The following DCBLD1 variants were observed in gnomAD, a reference collection of about 807,000 sequenced individuals.
DCBLD1 encodes discoidin, CUB and LCCL domain-containing protein 1.
In DCBLD1, 57 loss-of-function variants were observed where a neutral mutation model predicts 71.5. The observed-to-expected ratio is 0.80, with a 90% confidence interval of 0.64 to 0.99. The LOEUF (loss-of-function observed/expected upper bound fraction) is 0.99, where lower values mean the gene tolerates loss of function less well. Among genes scored for constraint, DCBLD1 ranks in the 50% least tolerant of loss-of-function variants. DCBLD1 has a pLI of 0.00. For missense variants in DCBLD1, 891 were observed against 923.5 expected, an observed-to-expected ratio of 0.96 and a Z score of 0.46; for synonymous variants, 380 against 363.8, an observed-to-expected ratio of 1.04 and a Z score of -0.51.
downstream of DCBLD1, among the ~76,000 whole-genome samples, chr6:117,553,920 T>TA (rs1273195391): frequency 2.0e-5 from 3 of 152,202 alleles, no homozygotes; most frequent in African/African-American, 4.8e-5. Context: ...AAGAAGGACT[T>TA]ACTTTCTATG....
downstream of DCBLD1, among the ~76,000 whole-genome samples, chr6:117,554,782 A>T (rs549401916): frequency 9.9e-5 from 15 of 151,732 alleles, no homozygotes; most frequent in African/African-American, 3.4e-4. Context: ...AGTCCCAGCT[A>T]CTCGGCAGGC....
intron 5 of DCBLD1, among the ~76,000 whole-genome samples, chr6:117,530,855 A>G (rs945355222): frequency 6.6e-6 from 1 of 152,234 alleles, no homozygotes; most frequent in Non-Finnish European, 1.5e-5. Context: ...CTGCATTCTT[A>G]TTAAAGAGTA....
At chr6:117,535,680 A>G (rs1178416948) in intron 6 of DCBLD1, among the ~76,000 whole-genome samples, 4 of 152,144 alleles carry the variant, frequency 2.6e-5, no homozygotes, top group African/African-American at 9.7e-5. Flanking sequence ...TTAATGTTTC[A>G]TGGCAAGTGA....
intron 1 of DCBLD1, among the ~76,000 whole-genome samples, chr6:117,491,218 C>T (rs1777281435): frequency 6.6e-6 from 1 of 152,138 alleles, no homozygotes; most frequent in South Asian, 2.1e-4. Flanking sequence ...CTTAATGACC[C>T]ATGGGACCAC....
At position 117,525,432 on chromosome 6, in the gene DCBLD1, G is replaced by T; in HGVS notation, c.583G>T (p.Asp195Tyr). The change falls in exon 5 of 15, where the codon GAT becomes TAT. Residue 195 changes from aspartate to tyrosine, a missense_variant and splice_region_variant. Coordinates refer to ENST00000338728, the MANE Select transcript of DCBLD1 (RefSeq NM_001366458.2). ...ISGNMVDGYR[D>Y]TSLLCKAAIH... The stretch of plus-strand genomic sequence containing the variant: ...TGGGAATATGGTAGATGGATATAGA[G>T]ATGTAAGTAATTGAGGGTAATGGCA... 6.7e-7 allele frequency: 1 copy of T among 1,487,400 alleles called. No homozygotes were observed. Among genetic ancestry groups the T allele is most frequent in the Non-Finnish European group, 9.0e-7 (1 of 1,116,012 alleles). 92.1% of individuals were successfully genotyped at this position (1,487,400 alleles called of 1,614,324 possible). A position where few individuals can be genotyped will look rare whatever the true frequency, so the allele number is the denominator to read the frequency against.
At chr6:117,565,315 T>C (rs1779674188) in intron 14 of DCBLD1, among the ~76,000 whole-genome samples, 1 of 152,188 alleles carries the variant, frequency 6.6e-6, no homozygotes, top group Admixed American at 6.5e-5. Context: ...CTCACACAGA[T>C]ATGTAGTTGC....
Position 117,549,739 on chromosome 6 carries a change from T to C in DCBLD1, c.*1300T>C, listed in dbSNP as rs1779394129. 2.0e-6 allele frequency: 2 copies of C among 985,426 alleles called. No homozygotes were observed. The highest frequency in any genetic ancestry group is 3.5e-5 in the African/African-American group (2 of 57,354). 61.0% of individuals were successfully genotyped at this position (985,426 alleles called of 1,614,324 possible). On this transcript the variant is annotated 3_prime_UTR_variant, in exon 15 of 15. Transcript: ENST00000338728. ...TAGTGTGGAGGGGAAATGGTTTACT[T>C]TGTAGAGTTTACATGGTTTTATGCG...
At chr6:117,495,020 G>A (rs1433839448) in intron 1 of DCBLD1, among the ~76,000 whole-genome samples, 1 of 152,190 alleles carries the variant, frequency 6.6e-6, no homozygotes, top group Non-Finnish European at 1.5e-5. Context: ...AATTCTGCAA[G>A]CTTACTGACC....
chr6:117,535,247 G>T (rs914554168), intron 6 of DCBLD1, among the ~76,000 whole-genome samples: 1 of 152,196 alleles, frequency 6.6e-6, no homozygotes, highest in African/African-American at 2.4e-5. Context: ...TCCTTGATTT[G>T]AAGAGACCAG....
chr6:117,537,498 C>T lies in DCBLD1; in HGVS notation c.760+273C>T, dbSNP rs573892101. ...GCAGTGAGCTGAGATTGCGCCACTG[C>T]ACTCCAGCCTGGGTAACAGAGCGAG... is the stretch of plus-strand genomic sequence containing the variant. On this transcript the variant is annotated intron_variant, in intron 7 of 14. Transcript: ENST00000338728. Among the ~76,000 whole-genome samples the T allele has an allele frequency of 2.1e-3, 314 of 148,920 alleles. 1 individual carries two copies. The highest frequency in any genetic ancestry group is 7.6e-3 in the African/African-American group (305 of 40,344).
chr6:117,535,131 TG>T (rs1778843239), intron 6 of DCBLD1, among the ~76,000 whole-genome samples: 1 of 152,222 alleles, frequency 6.6e-6, no homozygotes, highest in South Asian at 2.1e-4. Context: ...CATGATTGTT[TG>T]GCATTCAGGA....
At chr6:117,500,780 T>C (rs543946297) in intron 1 of DCBLD1, among the ~76,000 whole-genome samples, 5 of 152,240 alleles carry the variant, frequency 3.3e-5, no homozygotes, top group African/African-American at 1.2e-4. Context: ...GGAGAATCGC[T>C]TGAACCCAGG....
Position 117,538,703 on chromosome 6 carries a change from C to G in DCBLD1, c.844C>G (p.Gln282Glu). ...SWQSVNESGD[Q>E]VHWSPGQARL... Reference sequence around the variant, plus strand: ...GCAGTCGGTCAATGAGAGTGGAGACCAAGTTCACTGGTCTCCTGGCCAAGC... The same window carrying G: ...GCAGTCGGTCAATGAGAGTGGAGACGAAGTTCACTGGTCTCCTGGCCAAGC... Residue 282 changes from glutamine (Q) to glutamate (E), a missense_variant, in exon 8 of 15, where the codon CAA becomes GAA. Transcript: ENST00000338728. 6.2e-7 allele frequency: 1 copy of G among 1,614,098 alleles called. No homozygotes were observed. The highest frequency in any genetic ancestry group is 8.5e-7 in the Non-Finnish European group (1 of 1,180,032).
chr6:117,556,942 G>T (rs770848915), intron 14 of DCBLD1, among the ~76,000 whole-genome samples: 18 of 151,586 alleles, frequency 1.2e-4, no homozygotes, highest in Non-Finnish European at 2.4e-4. Flanking sequence ...TCTCATTGTG[G>T]TTTTAATTTG....
intron 14 of DCBLD1, chr6:117,569,467 T>A: frequency 7.0e-7 from 1 of 1,425,386 alleles, no homozygotes. Flanking sequence ...AAGAACTATG[T>A]GTAAACACTT....
At chr6:117,529,711 G>T (rs1227766330) in intron 5 of DCBLD1, among the ~76,000 whole-genome samples, 2 of 152,090 alleles carry the variant, frequency 1.3e-5, no homozygotes, top group Admixed American at 1.3e-4. Context: ...GAAAATGCTG[G>T]TAATTTTATC....
downstream of DCBLD1, among the ~76,000 whole-genome samples, chr6:117,553,540 A>T (rs761347160): frequency 2.6e-5 from 4 of 152,174 alleles, no homozygotes; most frequent in East Asian, 1.9e-4. Context: ...TTAATATACT[A>T]AGCCCTTCTA....
chr6:117,503,767 G>A lies in DCBLD1; in HGVS notation c.113G>A (p.Gly38Asp). 1 of 1,613,754 alleles carries A rather than the reference G, an allele frequency of 6.2e-7. No individual in the cohort carries two copies. Among genetic ancestry groups the A allele is most frequent in the Non-Finnish European group, 8.5e-7 (1 of 1,179,920 alleles). ...APLRLQAEEL[G>D]DGCGHLVTYQ... ...TTCCCCCCTTCTTTTTCTTTACCAG[G>A]TGATGGCTGTGGACACCTAGTGACT... is the stretch of plus-strand genomic sequence containing the variant. Residue 38 changes from glycine (G) to aspartate (D), a missense_variant and splice_region_variant, in exon 2 of 15, where the codon GGT becomes GAT. Coordinates refer to ENST00000338728, the MANE Select transcript of DCBLD1 (RefSeq NM_001366458.2).
At chr6:117,489,841 C>T (rs565034728) in intron 1 of DCBLD1, among the ~76,000 whole-genome samples, 99 of 152,224 alleles carry the variant, frequency 6.5e-4, no homozygotes, top group Non-Finnish European at 1.1e-3. Flanking sequence ...GCGGAGATCA[C>T]GCCCCTGCAC....
Sources: gnomAD v4.1 joint callset for allele counts (sites outside exome capture counted in the v4.1 genomes callset) on GRCh38, gnomAD v4.1.1 for gene constraint, MANE v1.5 for transcripts, NCBI Gene and HGNC (gene_info 2026-07-23, HGNC 2026-07-21) for gene names.